Variants in HACD2 observed in about 807,000 individuals in gnomAD.
The protein encoded by HACD2 is 3-hydroxyacyl-CoA dehydratase 2, also known as very-long-chain (3R)-3-hydroxyacyl-CoA dehydratase 2.
A neutral mutation model predicts 31.0 loss-of-function variants in HACD2; 15 were observed. The observed-to-expected ratio is 0.48, with a 90% CI of 0.32 to 0.75. The LOEUF is 0.75. Ranked by LOEUF, HACD2 falls within the 30% of genes least tolerant of loss-of-function variation. HACD2 has a pLI of 0.03. For synonymous variants in HACD2, 115 were observed against 122.2 expected, an observed-to-expected ratio of 0.94 and a Z score of 0.39; for missense variants, 283 against 313.0, an observed-to-expected ratio of 0.90 and a Z score of 0.72.
chr3:123,579,178 C>G (rs2056938889), intron 2 of HACD2, among the ~76,000 whole-genome samples: 1 of 152,180 alleles, frequency 6.6e-6, no homozygotes, highest in African/African-American at 2.4e-5. Flanking sequence ...GATAAACAGG[C>G]TAATCCTTCA....
chr3:123,548,161 G>A (rs2056581426), intron 3 of HACD2, among the ~76,000 whole-genome samples: 1 of 152,034 alleles, frequency 6.6e-6, no homozygotes, highest in Non-Finnish European at 1.5e-5. Flanking sequence ...CTCTGCTAGG[G>A]CGTGATGTGG....
chr3:123,566,550 C>T (rs2056794586), intron 3 of HACD2, among the ~76,000 whole-genome samples: 1 of 151,728 alleles, frequency 6.6e-6, no homozygotes. Context: ...TCCCAAGGTG[C>T]TGGTATTACA....
chr3:123,515,202 A>C (rs578228769), intron 4 of HACD2, among the ~76,000 whole-genome samples: 3 of 152,198 alleles, frequency 2.0e-5, no homozygotes, highest in African/African-American at 7.2e-5. Flanking sequence ...TCAACTGGGC[A>C]ACTGAGGGAT....
At chr3:123,531,893 T>A (rs2056366363) in intron 3 of HACD2, among the ~76,000 whole-genome samples, 1 of 152,238 alleles carries the variant, frequency 6.6e-6, no homozygotes, top group Non-Finnish European at 1.5e-5. Flanking sequence ...ATAAATGAAG[T>A]AATGAAGCAT....
At chr3:123,550,298 T>C (rs914454941) in intron 3 of HACD2, among the ~76,000 whole-genome samples, 5 of 151,920 alleles carry the variant, frequency 3.3e-5, no homozygotes, top group African/African-American at 7.3e-5. Context: ...ATCTGCGCAG[T>C]GAGGACTGAA....
At chr3:123,540,648 T>A (rs1559918442) in intron 3 of HACD2, among the ~76,000 whole-genome samples, 1 of 152,316 alleles carries the variant, frequency 6.6e-6, no homozygotes, top group Non-Finnish European at 1.5e-5. Flanking sequence ...TCCCACCCTA[T>A]TATTTTTATT....
chr3:123,556,147 T>C (rs2056670171), intron 3 of HACD2, among the ~76,000 whole-genome samples: 1 of 151,722 alleles, frequency 6.6e-6, no homozygotes, highest in South Asian at 2.1e-4. Flanking sequence ...CTCTAAAAAA[T>C]AAATTGAGGC....
intron 5 of HACD2, among the ~76,000 whole-genome samples, chr3:123,501,918 C>T (rs1192082940): frequency 2.0e-5 from 3 of 152,192 alleles, no homozygotes; most frequent in Non-Finnish European, 4.4e-5. Flanking sequence ...CATTTCGGCT[C>T]CAGGGACTTG....
intron 6 of HACD2, chr3:123,499,431 G>T (rs904041730): frequency 3.4e-5 from 11 of 325,774 alleles, no homozygotes; most frequent in African/African-American, 2.1e-4. Context: ...GACTCAACAT[G>T]AATAAAGAGT....
intron 4 of HACD2, among the ~76,000 whole-genome samples, chr3:123,522,066 G>A (rs2056222558): frequency 6.6e-6 from 1 of 152,124 alleles, no homozygotes; most frequent in Non-Finnish European, 1.5e-5. Context: ...AGCACTCTGG[G>A]AGGCCGAGGC....
intron 3 of HACD2, among the ~76,000 whole-genome samples, chr3:123,563,657 A>T (rs1490033401): frequency 7.2e-6 from 1 of 139,422 alleles, no homozygotes; most frequent in Non-Finnish European, 1.6e-5. Context: ...ACACACACAC[A>T]CACACACACA....
chr3:123,553,829 T>C (rs1411702123), intron 3 of HACD2, among the ~76,000 whole-genome samples: 1 of 152,074 alleles, frequency 6.6e-6, no homozygotes, highest in Non-Finnish European at 1.5e-5. Context: ...CCCAAGAGTC[T>C]CATGTTTTCT....
rs138798100 is a variant in HACD2 at position 123,538,862 on chromosome 3, G to A, written c.293-10388C>T. Among the ~76,000 whole-genome samples, 418 of 152,260 alleles carry A rather than the reference G, an allele frequency of 2.7e-3. 9 individuals carry two copies. The highest frequency in any genetic ancestry group is 0.021 in the Admixed American group (323 of 15,286). The stretch of plus-strand genomic sequence containing the variant: ...ATTTTAATATAGTTCCTAAATGAGA[G>A]CCAATTATATCATATGGCATTCAAA... On this transcript the variant is annotated intron_variant, in intron 3 of 6. Coordinates refer to ENST00000383657, the MANE Select transcript of HACD2 (RefSeq NM_198402.5).
At chr3:123,512,293 A>C (rs1378022894) in intron 4 of HACD2, among the ~76,000 whole-genome samples, 1 of 152,236 alleles carries the variant, frequency 6.6e-6, no homozygotes, top group East Asian at 1.9e-4. Flanking sequence ...GAAACGCATA[A>C]ACACAAATAT....
At chr3:123,570,887 T>A (rs1460415669) in intron 2 of HACD2, among the ~76,000 whole-genome samples, 1 of 144,574 alleles carries the variant, frequency 6.9e-6, no homozygotes, top group African/African-American at 2.7e-5. Context: ...AAAATAAAAT[T>A]TACATTTCAC....
At chr3:123,514,434 A>AC (rs2056107516) in intron 4 of HACD2, among the ~76,000 whole-genome samples, 1 of 151,338 alleles carries the variant, frequency 6.6e-6, no homozygotes, top group Non-Finnish European at 1.5e-5. Flanking sequence ...TTTTCTAAAA[A>AC]TCACCTAAAT....
chr3:123,560,713 G>C (rs1284689661), intron 3 of HACD2, among the ~76,000 whole-genome samples: 1 of 152,240 alleles, frequency 6.6e-6, no homozygotes, highest in Non-Finnish European at 1.5e-5. Flanking sequence ...CTTTGGATTA[G>C]AAACTTGTTC....
At chr3:123,538,507 T>C (rs2056452255) in intron 3 of HACD2, among the ~76,000 whole-genome samples, 1 of 152,188 alleles carries the variant, frequency 6.6e-6, no homozygotes, top group Non-Finnish European at 1.5e-5. Context: ...TCATCATTGG[T>C]AAGAAGTGTG....
chr3:123,512,000 G>A (rs2056069767), intron 4 of HACD2, among the ~76,000 whole-genome samples: 1 of 152,124 alleles, frequency 6.6e-6, no homozygotes, highest in Admixed American at 6.5e-5. Flanking sequence ...CTTCCCCCAT[G>A]AGTGGAAGCA....
Sources: allele counts gnomAD v4.1 joint callset (sites outside exome capture counted in the v4.1 genomes callset), GRCh38; gene constraint gnomAD v4.1.1; transcripts MANE v1.5; gene names NCBI Gene and HGNC (gene_info 2026-07-23, HGNC 2026-07-21).